NCAPH2: variants seen among roughly 807,000 people sequenced by gnomAD.
NCAPH2 encodes condensin-2 complex subunit H2.
Under a neutral mutation model 88.6 loss-of-function variants are expected in NCAPH2, and 56 were observed. The observed-to-expected ratio is 0.63, with a 90% CI of 0.51 to 0.79. The LOEUF is 0.79. Ranked by LOEUF, NCAPH2 falls within the 30% of genes least tolerant of loss-of-function variation. NCAPH2 has a pLI of 0.00. For missense variants in NCAPH2, 794 were observed against 792.0 expected (o/e 1.00, Z -0.03); for synonymous variants, 378 against 313.6 (o/e 1.21, Z -2.17).
chr22:50,510,993 C>T (rs2068766466), intron 1 of NCAPH2, among the ~76,000 whole-genome samples: 1 of 151,026 alleles, frequency 6.6e-6, no homozygotes, highest in African/African-American at 2.4e-5. Context: ...ACTACAGGCA[C>T]CTGCCACCAC....
At chr22:50,516,764 C>G (rs2068936045) in intron 2 of NCAPH2, among the ~76,000 whole-genome samples, 1 of 152,210 alleles carries the variant, frequency 6.6e-6, no homozygotes, top group South Asian at 2.1e-4. Context: ...CTGTTGGGCT[C>G]TGTTGTCTTG....
Position 50,516,474 on chromosome 22 carries a change from G to T in NCAPH2, c.136G>T (p.Glu46Ter), listed in dbSNP as rs748497607. The change falls in exon 2 of 20, where the codon GAA becomes TAA. Residue 46 changes from glutamate (E) to a stop codon, truncating the protein, a stop_gained. Transcript: ENST00000420993. LOFTEE classifies it high-confidence loss of function. ...ELDQICISFD[E>*]GKTTMNFIEA... ...GGATCAGATCTGCATTTCTTTTGAC[G>T]AAGGCAAGACCACAATGAACTTCAT... 5 of 1,614,202 alleles carry T rather than the reference G, an allele frequency of 3.1e-6. No individual in the cohort carries two copies. The highest frequency in any genetic ancestry group is 4.2e-6 in the Non-Finnish European group (5 of 1,180,030).
intron 1 of NCAPH2, among the ~76,000 whole-genome samples, chr22:50,511,948 C>T (rs2068795880): frequency 6.6e-6 from 1 of 152,128 alleles, no homozygotes; most frequent in Admixed American, 6.5e-5. Flanking sequence ...TGCCTGGCCC[C>T]AGCTAATTTT....
intron 1 of NCAPH2, among the ~76,000 whole-genome samples, chr22:50,510,850 A>T (rs939337725): frequency 3.5e-5 from 5 of 142,732 alleles, no homozygotes; most frequent in South Asian, 2.2e-4. Context: ...AACCATTTAA[A>T]TTTTTTTTTT....
At position 50,523,639 on chromosome 22, in the gene NCAPH2, A is replaced by G. The variant is rs1352878283; in HGVS notation, c.*264A>G. ...AGACAGGACACTGCGGAAAGCCGCCATGTGCCGCCGCACACTGTCTGAGAT... is the reference window on the plus strand; with the variant it reads ...AGACAGGACACTGCGGAAAGCCGCCGTGTGCCGCCGCACACTGTCTGAGAT... On this transcript the variant is annotated 3_prime_UTR_variant, in exon 20 of 20. Coordinates refer to ENST00000420993, the MANE Select transcript of NCAPH2 (RefSeq NM_152299.4). The G allele has an allele frequency of 2.5e-6, 4 of 1,613,690 alleles. No individual in the cohort carries two copies. Among genetic ancestry groups the G allele is most frequent in the Non-Finnish European group, 3.4e-6 (4 of 1,180,038 alleles).
chr22:50,518,749 C>A lies in NCAPH2; in HGVS notation c.730+17C>A. On this transcript the variant is annotated intron_variant, in intron 8 of 19. Transcript: ENST00000420993. ...AGGAGCCAGGTGAGAAGAGAGCTCC[C>A]CGGTGGGACTGGCAGGGCAGCCAAA... 6.3e-7 allele frequency: 1 copy of A among 1,593,556 alleles called. No homozygotes were observed. The highest frequency in any genetic ancestry group is 2.3e-5 in the East Asian group (1 of 44,352).
chr22:50,511,068 G>C lies in NCAPH2; in HGVS notation c.108+2623G>C, dbSNP rs145759919. 2.7e-5 allele frequency among the ~76,000 whole-genome samples: 4 copies of C among 150,930 alleles called. No homozygotes were observed. The East Asian group carries it at 8.0e-4, about 30-fold the overall frequency. On this transcript the variant is annotated intron_variant, in intron 1 of 19. Coordinates refer to ENST00000420993, the MANE Select transcript of NCAPH2 (RefSeq NM_152299.4). Reference sequence around the variant, plus strand: ...TTACCGTGTTAGCCAGGATGGTCTCGATCTCCTGACCTGGTGATCCGCCCG... The same window carrying C: ...TTACCGTGTTAGCCAGGATGGTCTCCATCTCCTGACCTGGTGATCCGCCCG...
At chr22:50,522,980 C>T (rs2148669454) in intron 18 of NCAPH2, 37 bp from the exon 19 acceptor site, 2 of 1,608,166 alleles carry the variant, frequency 1.2e-6, no homozygotes, top group Non-Finnish European at 1.7e-6. Flanking sequence ...CAGGGCCTTG[C>T]CTCTCTCCGC....
chr22:50,516,590 G>T (rs369628738), intron 2 of NCAPH2, 42 bp downstream of exon 2: 7 of 1,582,080 alleles, frequency 4.4e-6, no homozygotes, highest in African/African-American at 1.3e-5. Flanking sequence ...TTGGTGGCCA[G>T]TGGGACCACA....
chr22:50,512,064 G>C (rs937802126), intron 1 of NCAPH2, among the ~76,000 whole-genome samples: 1 of 152,226 alleles, frequency 6.6e-6, no homozygotes, highest in Non-Finnish European at 1.5e-5. Context: ...GGGATTGCAG[G>C]TGTGAGCCAC....
intron 7 of NCAPH2, 48 bp downstream of exon 7, chr22:50,518,326 T>C (rs1365192044): frequency 2.5e-6 from 4 of 1,595,192 alleles, no homozygotes; most frequent in Non-Finnish European, 3.4e-6. Context: ...GGGAGGGTCT[T>C]CTGGTTGGAC....
At position 50,519,327 on chromosome 22, in the gene NCAPH2, C is replaced by G. The variant is rs1270929034; in HGVS notation, c.861+7C>G. The G allele has an allele frequency of 6.2e-7, 1 of 1,609,512 alleles. No individual in the cohort carries two copies. Among genetic ancestry groups the G allele is most frequent in the Non-Finnish European group, 8.5e-7 (1 of 1,178,636 alleles). ...GTCCAGGAGCCCGCAGCAGGTGGGACCCACATGGAGGCCTGCAGAACCTGA... is the reference window on the plus strand; with the variant it reads ...GTCCAGGAGCCCGCAGCAGGTGGGAGCCACATGGAGGCCTGCAGAACCTGA... On this transcript the variant is annotated splice_region_variant and intron_variant, in intron 9 of 19. Transcript: ENST00000420993.
chr22:50,511,086 TC>T (rs1340293545), intron 1 of NCAPH2, among the ~76,000 whole-genome samples: 11 of 150,800 alleles, frequency 7.3e-5, no homozygotes, highest in Admixed American at 3.3e-4. Flanking sequence ...GACCTGGTGA[TC>T]CGCCCGTGTC....
Position 50,518,156 on chromosome 22 carries a change from G to A in NCAPH2, c.524G>A (p.Ser175Asn). The change falls in exon 7 of 20, where the codon AGC becomes AAC. Residue 175 changes from serine to asparagine, a missense_variant. Physicochemically the swap from Ser to Asn is conservative, Grantham distance 46 (BLOSUM62 1). This residue lies in a region of NCAPH2 where 735 missense variants were observed against 696.3 expected (regional missense o/e 1.06). Coordinates refer to ENST00000420993, the MANE Select transcript of NCAPH2 (RefSeq NM_152299.4). ...AGCCGTCAGGGTGAGGTCCTGGCCA[G>A]CCGGAAGGATTTCAGGATGAACACG... ...LYSRQGEVLA[S>N]RKDFRMNTCV... 2 of 1,614,104 alleles carry A rather than the reference G, an allele frequency of 1.2e-6. No individual in the cohort carries two copies. The highest frequency in any genetic ancestry group is 8.5e-7 in the Non-Finnish European group (1 of 1,179,996).
At position 50,510,600 on chromosome 22, in the gene NCAPH2, G is replaced by A. The variant is rs2068756659; in HGVS notation, c.108+2155G>A. Reference sequence around the variant, plus strand: ...GCACCACCACGTCCAGTTAATTTTTGTATTTTTAGTAGAGATGGGTTTCGC... The same window carrying A: ...GCACCACCACGTCCAGTTAATTTTTATATTTTTAGTAGAGATGGGTTTCGC... On this transcript the variant is annotated intron_variant, in intron 1 of 19. Coordinates refer to ENST00000420993, the MANE Select transcript of NCAPH2 (RefSeq NM_152299.4). Among the ~76,000 whole-genome samples, 3 of 151,648 alleles carry A rather than the reference G, an allele frequency of 2.0e-5. No individual in the cohort carries two copies. The South Asian group carries it at 6.2e-4, about 32-fold the overall frequency.
intron 1 of NCAPH2, chr22:50,515,785 G>C (rs1377727691): frequency 7.7e-7 from 1 of 1,302,712 alleles, no homozygotes; most frequent in African/African-American, 1.5e-5. Context: ...GTAAAGTATG[G>C]AAGTAAAGTG....
chr22:50,523,937 GA>G lies in NCAPH2; in HGVS notation c.*563del. ...ACAGTGATGAAGACAGGCTGCACTG[GA>G]GGCAAACCAGGCTCTGCTTCCAGCT... is the stretch of plus-strand genomic sequence containing the variant. On this transcript the variant is annotated 3_prime_UTR_variant, in exon 20 of 20. Transcript: ENST00000420993. 1 of 1,612,704 alleles carries G rather than the reference GA, an allele frequency of 6.2e-7. No homozygotes were observed. The highest frequency in any genetic ancestry group is 8.5e-7 in the Non-Finnish European group (1 of 1,179,124).
chr22:50,521,864 G>A lies in NCAPH2; in HGVS notation c.1108+16G>A. On this transcript the variant is annotated intron_variant, in intron 12 of 19. Coordinates refer to ENST00000420993, the MANE Select transcript of NCAPH2 (RefSeq NM_152299.4). ...CTGGCTGCCTGTGAGTGGGTGTGGTGTGCACTCCGGACCACTGGGAGCTGG... is the reference window on the plus strand; with the variant it reads ...CTGGCTGCCTGTGAGTGGGTGTGGTATGCACTCCGGACCACTGGGAGCTGG... 6.2e-7 allele frequency: 1 copy of A among 1,613,644 alleles called. No homozygotes were observed. The highest frequency in any genetic ancestry group is 8.5e-7 in the Non-Finnish European group (1 of 1,179,840).
chr22:50,511,688 C>T (rs2068788331), intron 1 of NCAPH2, among the ~76,000 whole-genome samples: 2 of 141,762 alleles, frequency 1.4e-5, no homozygotes, highest in Non-Finnish European at 3.0e-5. Context: ...CCCTGTGGCC[C>T]AAGTTGGAGT....
Sources: allele counts gnomAD v4.1 joint callset (sites outside exome capture counted in the v4.1 genomes callset), GRCh38; gene constraint gnomAD v4.1.1; regional missense constraint gnomAD v4.1.1; transcripts MANE v1.5; gene names NCBI Gene and HGNC (gene_info 2026-07-23, HGNC 2026-07-21).